USP31: variants seen among roughly 807,000 people sequenced by gnomAD.
The protein encoded by USP31 is ubiquitin carboxyl-terminal hydrolase 31.
In USP31, 44 loss-of-function variants were observed where a neutral mutation model predicts 119.4. That is an observed-to-expected ratio of 0.37 (90% confidence interval 0.29 to 0.47). The LOEUF is 0.47. Ranked by LOEUF, USP31 falls within the 20% of genes least tolerant of loss-of-function variation. USP31 has a pLI of 0.99. For missense variants in USP31, 1,643 were observed against 1,730.2 expected, an observed-to-expected ratio of 0.95 and a Z score of 0.89; for synonymous variants, 749 against 705.6, an observed-to-expected ratio of 1.06 and a Z score of -0.97.
intron 1 of USP31, among the ~76,000 whole-genome samples, chr16:23,140,350 G>A (rs1903318871): frequency 1.3e-5 from 2 of 152,132 alleles, no homozygotes; most frequent in Non-Finnish European, 2.9e-5. Flanking sequence ...TTGGAGTAGG[G>A]GGGAGTACAA....
chr16:23,120,915 AACAC>A (rs2141887449), intron 1 of USP31, among the ~76,000 whole-genome samples: 1 of 152,286 alleles, frequency 6.6e-6, no homozygotes, highest in Non-Finnish European at 1.5e-5. Flanking sequence ...TTCTTCTATA[AACAC>A]ACACAGATTA....
chr16:23,136,191 C>T (rs1299944135), intron 1 of USP31, among the ~76,000 whole-genome samples: 1 of 152,082 alleles, frequency 6.6e-6, no homozygotes, highest in African/African-American at 2.4e-5. Flanking sequence ...AAAATTAATA[C>T]AAAAATTAAT....
chr16:23,114,916 C>T (rs1205621679), intron 1 of USP31, among the ~76,000 whole-genome samples: 1 of 152,184 alleles, frequency 6.6e-6, no homozygotes, highest in African/African-American at 2.4e-5. Context: ...TGCAGATACT[C>T]CCCAGACAAA....
At chr16:23,111,344 G>A (rs1902309117) in intron 1 of USP31, among the ~76,000 whole-genome samples, 1 of 152,116 alleles carries the variant, frequency 6.6e-6, no homozygotes, top group Admixed American at 6.5e-5. Flanking sequence ...CCTAATGAAT[G>A]TGGAGAGGGA....
intron 1 of USP31, among the ~76,000 whole-genome samples, chr16:23,115,287 GTTGA>G (rs1488184106): frequency 6.6e-6 from 1 of 152,134 alleles, no homozygotes; most frequent in African/African-American, 2.4e-5. Context: ...TTTTGAAAAA[GTTGA>G]TTATCAATGT....
chr16:23,119,952 A>G (rs1013399442), intron 1 of USP31, among the ~76,000 whole-genome samples: 1 of 152,182 alleles, frequency 6.6e-6, no homozygotes, highest in Non-Finnish European at 1.5e-5. Context: ...AATTCCACCA[A>G]TAGTCCATCC....
Position 23,068,595 on chromosome 16 carries a change from G to A in USP31, c.3510C>T (p.Ala1170=), listed in dbSNP as rs2141824338. 1 of 1,614,216 alleles carries A rather than the reference G, an allele frequency of 6.2e-7. No homozygotes were observed. Residue 1170 remains alanine (A), a synonymous_variant, in exon 16 of 16, where the codon GCC becomes GCT. Coordinates refer to ENST00000219689, the MANE Select transcript of USP31 (RefSeq NM_020718.4). ...RQSLGSDRAS[A]TSTSKPNSPR... is the part of the protein sequence containing the mutation. Reference sequence around the variant, plus strand: ...GGGAATTGGGTTTGGAGGTGGAGGTGGCGCTGGCTCTGTCAGAACCCAAGC... The same window carrying A: ...GGGAATTGGGTTTGGAGGTGGAGGTAGCGCTGGCTCTGTCAGAACCCAAGC...
In USP31 at chr16:23,089,410, T is replaced by G. The variant is rs143543230; in HGVS notation, c.1415+1214A>C. ...CTGCTTGTTCATAGTCGGTCTGTCC[T>G]AGCTAGGATGGAAGCTCCATGAGGA... On this transcript the variant is annotated intron_variant, in intron 7 of 15. Coordinates refer to ENST00000219689, the MANE Select transcript of USP31 (RefSeq NM_020718.4). Among the ~76,000 whole-genome samples the G allele has an allele frequency of 3.9e-3, 600 of 152,320 alleles. 1 individual carries two copies. Among genetic ancestry groups the G allele is most frequent in the Middle Eastern group, 0.01 (3 of 294 alleles).
chr16:23,100,064 C>T (rs1357785289), intron 6 of USP31, among the ~76,000 whole-genome samples: 1 of 152,184 alleles, frequency 6.6e-6, no homozygotes, highest in Non-Finnish European at 1.5e-5. Flanking sequence ...CTGGAACCCT[C>T]AAACACTGCT....
At position 23,067,880 on chromosome 16, in the gene USP31, T is replaced by C. The variant is rs888193318; in HGVS notation, c.*166A>G. On this transcript the variant is annotated 3_prime_UTR_variant, in exon 16 of 16. Coordinates refer to ENST00000219689, the MANE Select transcript of USP31 (RefSeq NM_020718.4). ...AGAATAAGGCGACGCTTTGAACAAT[T>C]TGCAATTGAATTAGACACACACACG... is the stretch of plus-strand genomic sequence containing the variant. 17 of 877,756 alleles carry C rather than the reference T, an allele frequency of 1.9e-5. No individual in the cohort carries two copies. Among genetic ancestry groups the C allele is most frequent in the Admixed American group, 3.2e-5 (1 of 31,036 alleles). 54.4% of individuals were successfully genotyped at this position (877,756 alleles called of 1,614,324 possible).
intron 1 of USP31, among the ~76,000 whole-genome samples, chr16:23,128,696 G>A (rs1902940172): frequency 1.3e-5 from 2 of 152,186 alleles, no homozygotes; most frequent in African/African-American, 4.8e-5. Context: ...TAACGGGTCA[G>A]GGAACAACTA....
chr16:23,114,253 G>A (rs1183267387), intron 1 of USP31, among the ~76,000 whole-genome samples: 2 of 152,010 alleles, frequency 1.3e-5, no homozygotes, highest in African/African-American at 4.8e-5. Context: ...ATAAGCCAGA[G>A]ACAGGAAGGC....
chr16:23,105,387 C>G (rs1902052518), intron 5 of USP31, 54 bp downstream of exon 5: 2 of 1,483,084 alleles, frequency 1.3e-6, no homozygotes, highest in Admixed American at 2.2e-5. Flanking sequence ...TCTAAGAGAA[C>G]AGAAAGCAAT....
At chr16:23,142,080 C>T (rs1903369782) in intron 1 of USP31, among the ~76,000 whole-genome samples, 1 of 152,202 alleles carries the variant, frequency 6.6e-6, no homozygotes, top group Non-Finnish European at 1.5e-5. Flanking sequence ...GTATTCCCAG[C>T]CCCTTTACCT....
chr16:23,093,770 G>GA (rs912113799), intron 6 of USP31, among the ~76,000 whole-genome samples: 1 of 152,002 alleles, frequency 6.6e-6, no homozygotes, highest in African/African-American at 2.4e-5. Flanking sequence ...CAAAAGGTAG[G>GA]AAAAAAACAA....
intron 1 of USP31, among the ~76,000 whole-genome samples, chr16:23,137,901 A>G (rs1903242392): frequency 6.6e-6 from 1 of 152,176 alleles, no homozygotes; most frequent in Admixed American, 6.5e-5. Flanking sequence ...CAGTATTACA[A>G]ATGTTCTTTA....
chr16:23,131,610 A>G (rs778597246), intron 1 of USP31, among the ~76,000 whole-genome samples: 4 of 152,184 alleles, frequency 2.6e-5, no homozygotes, highest in Admixed American at 1.3e-4. Flanking sequence ...GCAAGCAGTA[A>G]AATGAGTGTA....
intron 1 of USP31, among the ~76,000 whole-genome samples, chr16:23,127,705 C>T (rs187217665): frequency 6.7e-6 from 1 of 148,854 alleles, no homozygotes; most frequent in East Asian, 2.0e-4. Flanking sequence ...GTCTTGAACT[C>T]CTGACCTCGT....
At chr16:23,096,245 G>A (rs946266350) in intron 6 of USP31, among the ~76,000 whole-genome samples, 1 of 152,142 alleles carries the variant, frequency 6.6e-6, no homozygotes, top group Non-Finnish European at 1.5e-5. Context: ...AAGAGAAAAA[G>A]AAGGCCATTA....
Sources: allele counts gnomAD v4.1 joint callset (sites outside exome capture counted in the v4.1 genomes callset), GRCh38; gene constraint gnomAD v4.1.1; transcripts MANE v1.5; gene names NCBI Gene and HGNC (gene_info 2026-07-23, HGNC 2026-07-21).